Variants in SNTG1 observed in about 807,000 individuals in gnomAD.
The protein encoded by SNTG1 is syntrophin gamma 1.
A neutral mutation model predicts 74.7 loss-of-function variants in SNTG1; 39 were observed. That is an observed-to-expected ratio of 0.52 (90% CI 0.40 to 0.68). SNTG1 has a LOEUF of 0.68. SNTG1 is among the 30% of genes least tolerant of loss of function. The pLI, the probability that SNTG1 is intolerant of heterozygous loss-of-function variation, is 0.00. For missense variants in SNTG1, 685 were observed against 609.5 expected (o/e 1.12, Z -1.30); for synonymous variants, 254 against 217.1 (o/e 1.17, Z -1.49).
chr8:50,184,728 C>T (rs929752028), intron 2 of SNTG1, among the ~76,000 whole-genome samples: 1 of 152,044 alleles, frequency 6.6e-6, no homozygotes, highest in East Asian at 1.9e-4. Context: ...GAAATATCTC[C>T]GTCATTCAGA....
At chr8:50,685,817 A>G (rs2095350190) in intron 15 of SNTG1, among the ~76,000 whole-genome samples, 1 of 152,192 alleles carries the variant, frequency 6.6e-6, no homozygotes, top group African/African-American at 2.4e-5. Context: ...TCTATGTAGT[A>G]CACAATTCTG....
At chr8:50,229,758 C>A (rs890944083) in intron 2 of SNTG1, among the ~76,000 whole-genome samples, 1 of 151,256 alleles carries the variant, frequency 6.6e-6, no homozygotes, top group Non-Finnish European at 1.5e-5. Flanking sequence ...TAGAATTATC[C>A]ATCCAGTGGC....
chr8:50,002,192 G>T (rs1814803210), intron 1 of SNTG1, among the ~76,000 whole-genome samples: 1 of 152,176 alleles, frequency 6.6e-6, no homozygotes, highest in East Asian at 1.9e-4. Context: ...TCACAAAGTG[G>T]GTATTTTTTT....
intron 17 of SNTG1, among the ~76,000 whole-genome samples, chr8:50,716,732 T>TC (rs759672346): frequency 3.3e-4 from 6 of 18,038 alleles, no homozygotes; most frequent in African/African-American, 9.8e-4. Context: ...CCTTTCTTAT[T>TC]CTTTTTTTTT....
chr8:50,032,640 T>A (rs1419771964), intron 1 of SNTG1, among the ~76,000 whole-genome samples: 1 of 152,190 alleles, frequency 6.6e-6, no homozygotes, highest in Non-Finnish European at 1.5e-5. Flanking sequence ...CTCTGCTGTC[T>A]TCTTTCCAGT....
chr8:50,574,642 C>G (rs28435842), intron 12 of SNTG1, among the ~76,000 whole-genome samples: 11,665 of 152,130 alleles, frequency 0.077, 1,090 homozygotes, highest in African/African-American at 0.2. Flanking sequence ...TTCCTCAGAA[C>G]AGTAATCATA....
chr8:50,669,590 A>T (rs1347019853), intron 15 of SNTG1, among the ~76,000 whole-genome samples: 1 of 152,218 alleles, frequency 6.6e-6, no homozygotes, highest in Non-Finnish European at 1.5e-5. Flanking sequence ...AGATGGACTC[A>T]CAGCCGAATT....
chr8:50,052,309 C>T (rs1244107826), intron 1 of SNTG1, among the ~76,000 whole-genome samples: 2 of 151,976 alleles, frequency 1.3e-5, no homozygotes, highest in African/African-American at 4.8e-5. Context: ...ATCAATGTGG[C>T]CAAGACAATT....
intron 12 of SNTG1, among the ~76,000 whole-genome samples, chr8:50,561,806 C>A (rs1383416198): frequency 6.6e-6 from 1 of 152,200 alleles, no homozygotes; most frequent in Non-Finnish European, 1.5e-5. Context: ...ATTATTCCAT[C>A]ATACACAAGC....
intron 17 of SNTG1, among the ~76,000 whole-genome samples, chr8:50,723,151 G>A (rs950156284): frequency 6.6e-6 from 1 of 152,214 alleles, no homozygotes; most frequent in Non-Finnish European, 1.5e-5. Flanking sequence ...GAGCAAGCAG[G>A]AGCTTCACAG....
chr8:50,299,052 C>A (rs1563863316), intron 2 of SNTG1, among the ~76,000 whole-genome samples: 1 of 152,064 alleles, frequency 6.6e-6, no homozygotes, highest in African/African-American at 2.4e-5. Context: ...CCCATGGAAA[C>A]AAATCAAATA....
At chr8:50,030,631 T>C (rs1817663730) in intron 1 of SNTG1, among the ~76,000 whole-genome samples, 1 of 152,054 alleles carries the variant, frequency 6.6e-6, no homozygotes, top group Admixed American at 6.6e-5. Flanking sequence ...TTGTTTTTCC[T>C]CTCTTGCTAG....
intron 1 of SNTG1, chr8:50,163,646 G>A (rs1459224086): frequency 1.3e-5 from 2 of 151,658 alleles, no homozygotes; most frequent in African/African-American, 2.4e-5. Flanking sequence ...CACCACGCCC[G>A]GCCAATTTGT....
At chr8:50,286,393 A>G (rs2088786171) in intron 2 of SNTG1, 1 of 152,204 alleles carries the variant, frequency 6.6e-6, no homozygotes, top group African/African-American at 2.4e-5. Context: ...TGTATGCTAC[A>G]AGTGTGCTCT....
chr8:50,166,528 T>A (rs1586559692), intron 1 of SNTG1, among the ~76,000 whole-genome samples: 1 of 24,466 alleles, frequency 4.1e-5, no homozygotes, highest in Non-Finnish European at 8.2e-5. Context: ...AAAATGCTCA[T>A]CATCACTGGC....
At chr8:50,361,256 G>A (rs751770085) in intron 2 of SNTG1, among the ~76,000 whole-genome samples, 13 of 152,216 alleles carry the variant, frequency 8.5e-5, no homozygotes, top group Non-Finnish European at 1.6e-4. Flanking sequence ...TGTCCCACTG[G>A]AAAGTCTTCA....
intron 2 of SNTG1, among the ~76,000 whole-genome samples, chr8:50,216,919 T>C (rs1024881082): frequency 5.9e-5 from 9 of 152,010 alleles, no homozygotes; most frequent in Admixed American, 2.6e-4. Flanking sequence ...CTAGTCAACA[T>C]ACCAGATAGT....
chr8:50,762,510 A>T (rs2095601846), intron 18 of SNTG1: 1 of 367,512 alleles, frequency 2.7e-6, no homozygotes, highest in Non-Finnish European at 5.4e-6. Flanking sequence ...TTTTTGAGAT[A>T]AGCTATCAAG....
chr8:50,272,673 T>G (rs1380300304), intron 2 of SNTG1, among the ~76,000 whole-genome samples: 2 of 152,348 alleles, frequency 1.3e-5, no homozygotes, highest in Middle Eastern at 3.4e-3. Flanking sequence ...AAAAGAGCCA[T>G]GAACCTTGAT....
Sources: allele counts gnomAD v4.1 joint callset (sites outside exome capture counted in the v4.1 genomes callset), GRCh38; gene constraint gnomAD v4.1.1; transcripts MANE v1.5; gene names NCBI Gene and HGNC (gene_info 2026-07-23, HGNC 2026-07-21).